The following RYR2 variants were observed in gnomAD, a reference collection of about 807,000 sequenced individuals.
RYR2 encodes the protein ryanodine receptor 2, also known as cardiac muscle ryanodine receptor-calcium release channel.
Under a neutral mutation model 601.1 loss-of-function variants are expected in RYR2, and 227 were observed. The ratio of observed to expected loss-of-function variants is 0.38; its 90% CI spans 0.34 to 0.42. RYR2 has a LOEUF of 0.42. RYR2 is among the 10% of genes least tolerant of loss of function. The probability of loss-of-function intolerance (pLI) is 1.00; values close to 1 mark genes in which losing one functional copy is unlikely to be tolerated. For synonymous variants in RYR2, 2,223 were observed against 2,175.1 expected (o/e 1.02, Z -0.61); for missense variants, 4,646 against 6,156.5 (o/e 0.75, Z 8.21).
intron 31 of RYR2, 115 bp from the exon 32 acceptor site, chr1:237,591,624 C>T: frequency 1.3e-6 from 1 of 783,024 alleles, no homozygotes; most frequent in South Asian, 1.5e-5. Context: ...TCCCAGATGT[C>T]CCCCAGGGAG....
At chr1:237,550,779 T>C in intron 27 of RYR2, 88 bp downstream of exon 27, 1 of 1,350,310 alleles carries the variant, frequency 7.4e-7, no homozygotes, top group Non-Finnish European at 9.9e-7. Flanking sequence ...GGGGGAGTAC[T>C]GGATAGAGTC....
intron 52 of RYR2, among the ~76,000 whole-genome samples, chr1:237,655,334 A>G (rs1558151699): frequency 6.6e-6 from 1 of 152,184 alleles, no homozygotes; most frequent in African/African-American, 2.4e-5. Context: ...CATACTTTCT[A>G]TAGAATTTCT....
chr1:237,141,576 G>A (rs1486880686), intron 1 of RYR2, among the ~76,000 whole-genome samples: 2 of 152,172 alleles, frequency 1.3e-5, no homozygotes, highest in Non-Finnish European at 2.9e-5. Flanking sequence ...TCCCCAACTG[G>A]GAAGATGTCC....
At chr1:237,127,116 A>G (rs1671522837) in intron 1 of RYR2, among the ~76,000 whole-genome samples, 1 of 151,800 alleles carries the variant, frequency 6.6e-6, no homozygotes, top group Non-Finnish European at 1.5e-5. Flanking sequence ...GTCACAGATC[A>G]ACAGGATCCC....
At chr1:237,710,795 G>A (rs77964219) in intron 70 of RYR2, among the ~76,000 whole-genome samples, 1 of 151,908 alleles carries the variant, frequency 6.6e-6, no homozygotes, top group Non-Finnish European at 1.5e-5. Context: ...TTGCACAGCT[G>A]CATCCCAGCC....
At chr1:237,738,446 C>T (rs1386534385) in intron 79 of RYR2, among the ~76,000 whole-genome samples, 1 of 152,178 alleles carries the variant, frequency 6.6e-6, no homozygotes, top group Admixed American at 6.5e-5. Flanking sequence ...AACCTATACC[C>T]TGTCTCCCCA....
At chr1:237,567,232 G>A (rs1014827459) in intron 28 of RYR2, among the ~76,000 whole-genome samples, 7 of 152,022 alleles carry the variant, frequency 4.6e-5, no homozygotes, top group African/African-American at 1.7e-4. Flanking sequence ...CTGGTCAGGT[G>A]TTTATTTTGT....
intron 1 of RYR2, among the ~76,000 whole-genome samples, chr1:237,157,295 C>CAAAAAAAAAAAAA (rs33922740): frequency 2.0e-4 from 13 of 63,504 alleles, no homozygotes; most frequent in Non-Finnish European, 2.7e-4. Flanking sequence ...GACTCCATCT[C>CAAAAAAAAAAAAA]AAAAAAAAAA....
chr1:237,331,706 G>C (rs1380145415), intron 3 of RYR2, among the ~76,000 whole-genome samples: 3 of 151,338 alleles, frequency 2.0e-5, no homozygotes, highest in Non-Finnish European at 4.4e-5. Context: ...AGTAGAGACG[G>C]GGTTTCACCA....
chr1:237,201,337 G>A (rs113064379), intron 1 of RYR2, among the ~76,000 whole-genome samples: 1,708 of 152,200 alleles, frequency 0.011, 31 homozygotes, highest in African/African-American at 0.038. Context: ...TGATCTCGAC[G>A]GCTATCTGCT....
At chr1:237,473,755 C>T (rs1301871700) in intron 17 of RYR2, among the ~76,000 whole-genome samples, 2 of 152,056 alleles carry the variant, frequency 1.3e-5, no homozygotes, top group Non-Finnish European at 2.9e-5. Flanking sequence ...CTAATGCTGG[C>T]AGATGGCTGC....
chr1:237,480,378 C>CAAAAAAAAAAAAA (rs61271895), intron 17 of RYR2, among the ~76,000 whole-genome samples: 2 of 57,694 alleles, frequency 3.5e-5, no homozygotes, highest in African/African-American at 5.1e-5. Context: ...AAGATCATCT[C>CAAAAAAAAAAAAA]AAAAAAAAAA....
intron 3 of RYR2, among the ~76,000 whole-genome samples, chr1:237,350,953 G>A (rs1698789043): frequency 6.6e-6 from 1 of 151,894 alleles, no homozygotes; most frequent in African/African-American, 2.4e-5. Context: ...AGCACCATAT[G>A]CTGAGAAAGT....
chr1:237,291,688 G>T (rs889165458), intron 2 of RYR2, among the ~76,000 whole-genome samples: 3 of 152,144 alleles, frequency 2.0e-5, no homozygotes, highest in African/African-American at 4.8e-5. Context: ...TCTGAAAAAG[G>T]CTACATAATA....
chr1:237,561,106 G>A (rs1428453675), intron 27 of RYR2, among the ~76,000 whole-genome samples: 1 of 134,424 alleles, frequency 7.4e-6, no homozygotes, highest in Admixed American at 8.3e-5. Flanking sequence ...AAGAGTGAGT[G>A]TATAAGAAAA....
At position 237,793,858 on chromosome 1, in the gene RYR2, C is replaced by T. The variant is rs1414090080; in HGVS notation, c.13783-9C>T. The T allele has an allele frequency of 3.1e-6, 5 of 1,594,572 alleles. No individual in the cohort carries two copies. Among genetic ancestry groups the T allele is most frequent in the Non-Finnish European group, 4.3e-6 (5 of 1,164,714 alleles). ...AACTAATTTTAACGTATTTATTTTTCCTATGTAGGTCCCATTGGTTATTTT... is the reference window on the plus strand; with the variant it reads ...AACTAATTTTAACGTATTTATTTTTTCTATGTAGGTCCCATTGGTTATTTT... On this transcript the variant is annotated splice_polypyrimidine_tract_variant and intron_variant, in intron 94 of 104. Coordinates refer to ENST00000366574, the MANE Select transcript of RYR2 (RefSeq NM_001035.3).
At chr1:237,641,423 G>A (rs146313609) in intron 47 of RYR2, among the ~76,000 whole-genome samples, 2 of 151,970 alleles carry the variant, frequency 1.3e-5, no homozygotes, top group East Asian at 3.9e-4. Context: ...GAAGGTATAG[G>A]GGGTGGATAT....
intron 1 of RYR2, among the ~76,000 whole-genome samples, chr1:237,065,626 C>T (rs1047498970): frequency 6.6e-6 from 1 of 152,136 alleles, no homozygotes; most frequent in Non-Finnish European, 1.5e-5. Flanking sequence ...TTAGTGCCAC[C>T]ATCCCTAGCC....
intron 99 of RYR2, 92 bp from the exon 100 acceptor site, chr1:237,808,809 C>A: frequency 8.2e-7 from 1 of 1,222,878 alleles, no homozygotes; most frequent in Non-Finnish European, 1.2e-6. Context: ...CGGCTGTGTT[C>A]TCACTAGAGC....
Sources: gnomAD v4.1 joint callset for allele counts (sites outside exome capture counted in the v4.1 genomes callset) on GRCh38, gnomAD v4.1.1 for gene constraint, MANE v1.5 for transcripts, NCBI Gene and HGNC (gene_info 2026-07-23, HGNC 2026-07-21) for gene names.